CUBN: variants seen among roughly 807,000 people sequenced by gnomAD.
The protein encoded by CUBN is cubilin.
Under a neutral mutation model 405.3 loss-of-function variants are expected in CUBN, and 282 were observed. The observed-to-expected ratio is 0.70, with a 90% CI of 0.63 to 0.77. CUBN has a LOEUF of 0.77. Among genes scored for constraint, CUBN ranks in the 30% least tolerant of loss-of-function variants. CUBN has a pLI of 0.00. For synonymous variants in CUBN, 1,684 were observed against 1,617.0 expected (o/e 1.04, Z -0.99); for missense variants, 4,514 against 4,475.2 (o/e 1.01, Z -0.25).
chr10:16,935,843 G>T (rs1387768109), intron 39 of CUBN, among the ~76,000 whole-genome samples: 1 of 124,314 alleles, frequency 8.0e-6, no homozygotes, highest in Non-Finnish European at 1.6e-5. Flanking sequence ...TTGTGCCACT[G>T]CACTCCAGCC....
At chr10:17,010,783 CACTG>C (rs1305713353) in intron 28 of CUBN, among the ~76,000 whole-genome samples, 1 of 152,104 alleles carries the variant, frequency 6.6e-6, no homozygotes, top group African/African-American at 2.4e-5. Context: ...TGTGGATGAC[CACTG>C]ACTATTTTTA....
chr10:17,085,583 G>A lies in CUBN; in HGVS notation c.2110+14C>T. 3 of 1,612,838 alleles carry A rather than the reference G, an allele frequency of 1.9e-6. No homozygotes were observed. The highest frequency in any genetic ancestry group is 2.5e-6 in the Non-Finnish European group (3 of 1,178,852). On this transcript the variant is annotated intron_variant, in intron 16 of 66. Transcript: ENST00000377833. Reference sequence around the variant, plus strand: ...TCAAATCCCTCTTAAGCCCCCAACTGGTAGGTTACTTACAAGGTGATGTTA... The same window carrying A: ...TCAAATCCCTCTTAAGCCCCCAACTAGTAGGTTACTTACAAGGTGATGTTA...
Position 16,851,256 on chromosome 10 carries a change from T to A in CUBN, c.9642A>T (p.Arg3214Ser). The A allele has an allele frequency of 2.5e-6, 4 of 1,613,892 alleles. No individual in the cohort carries two copies. The highest frequency in any genetic ancestry group is 3.4e-6 in the Non-Finnish European group (4 of 1,179,762). The change falls in exon 60 of 67, where the codon AGA (arginine) becomes AGT (serine). Residue 3214 changes from arginine (R) to serine (S), a missense_variant. By Grantham distance (110) the Arg-to-Ser change is moderately radical. Around this residue, in one of 5 missense-constraint regions of CUBN, gnomAD observed 1,186 missense variants for 1,186.9 expected, o/e 1.00. Transcript: ENST00000377833. ...FALEAASTRQ[R>S]CLYDYVKLYD... ...TTACCTTTACATAATCATAAAGGCA[T>A]CTTTGCCTAGTACTTGCTGCCTCCA...
At position 16,904,063 on chromosome 10, in the gene CUBN, T is replaced by C; in HGVS notation, c.7965A>G (p.Thr2655=). The change falls in exon 51 of 67, where the codon ACA becomes ACG. Residue 2655 remains threonine, a synonymous_variant. Coordinates refer to ENST00000377833, the MANE Select transcript of CUBN (RefSeq NM_001081.4). ...GAGAATAAGGTATAACCAATGGCAA[T>C]GTAGGCTTTGAAGGACCACAAAGTC... is the stretch of plus-strand genomic sequence containing the variant. ...MWRLCGPSKP[T]LPLVIPYSQV... The C allele has an allele frequency of 1.2e-6, 2 of 1,613,570 alleles. No individual in the cohort carries two copies. Among genetic ancestry groups the C allele is most frequent in the Non-Finnish European group, 1.7e-6 (2 of 1,179,484 alleles).
intron 66 of CUBN, 56 bp downstream of exon 66, chr10:16,828,749 G>T: frequency 3.8e-6 from 5 of 1,314,472 alleles, no homozygotes; most frequent in South Asian, 1.2e-5. Flanking sequence ...TACACTAAGT[G>T]ACTCATTATT....
chr10:16,935,145 C>T (rs145292759), intron 39 of CUBN, among the ~76,000 whole-genome samples: 1 of 152,146 alleles, frequency 6.6e-6, no homozygotes, highest in African/African-American at 2.4e-5. Flanking sequence ...CTTTCCCAAT[C>T]TCTTTTATTT....
chr10:16,993,957 G>A (rs1013793391), intron 28 of CUBN, among the ~76,000 whole-genome samples: 4 of 152,090 alleles, frequency 2.6e-5, no homozygotes, highest in Admixed American at 1.3e-4. Flanking sequence ...ATATCAAAAG[G>A]AAACATTTGA....
chr10:17,012,362 C>G (rs1272767591), intron 28 of CUBN, among the ~76,000 whole-genome samples: 1 of 152,032 alleles, frequency 6.6e-6, no homozygotes, highest in African/African-American at 2.4e-5. Context: ...GCATCTCGTA[C>G]TATCCCTGAC....
chr10:16,874,260 A>G (rs1840439790), intron 58 of CUBN, 114 bp downstream of exon 58: 1 of 1,106,218 alleles, frequency 9.0e-7, no homozygotes, highest in African/African-American at 1.5e-5. Context: ...TCCTCTGTGT[A>G]GATTTCCCTC....
At chr10:17,023,099 C>T (rs1564483767) in intron 27 of CUBN, among the ~76,000 whole-genome samples, 1 of 151,660 alleles carries the variant, frequency 6.6e-6, no homozygotes, top group African/African-American at 2.4e-5. Context: ...AAAGAGATTT[C>T]TTTTTTTTCC....
At position 16,848,690 on chromosome 10, in the gene CUBN, C is replaced by CTTTTTTTTTTT. The variant is rs10562297; in HGVS notation, c.9663+2534_9663+2544dup. ...TCTAGTCATTTTGGTCTCTCCCAGC[C>CTTTTTTTTTTT]TTTTTTTTTTTTTTTTTTTTTTTTT... On this transcript the variant is annotated intron_variant, in intron 60 of 66. Coordinates refer to ENST00000377833, the MANE Select transcript of CUBN (RefSeq NM_001081.4). Among the ~76,000 whole-genome samples, 3 of 53,368 alleles carry CTTTTTTTTTTT rather than the reference C, an allele frequency of 5.6e-5. 1 individual carries two copies. The highest frequency in any genetic ancestry group is 7.8e-4 in the Admixed American group (2 of 2,570). The allele number at this position is 53,368 out of a possible 152,430, so 35.0% of individuals were successfully genotyped here. A position where few individuals can be genotyped will look rare whatever the true frequency, so the allele number is the denominator to read the frequency against.
chr10:17,121,174 T>C (rs975863577), intron 6 of CUBN, among the ~76,000 whole-genome samples: 1 of 152,186 alleles, frequency 6.6e-6, no homozygotes, highest in Non-Finnish European at 1.5e-5. Flanking sequence ...ATTTTACTTT[T>C]GCATAATGAT....
At chr10:16,980,256 G>C (rs1260452638) in intron 31 of CUBN, among the ~76,000 whole-genome samples, 1 of 152,220 alleles carries the variant, frequency 6.6e-6, no homozygotes, top group Non-Finnish European at 1.5e-5. Context: ...GTGTAAATTA[G>C]TTCAACCATT....
chr10:16,910,386 A>T (rs1841694282), intron 48 of CUBN, among the ~76,000 whole-genome samples: 1 of 152,242 alleles, frequency 6.6e-6, no homozygotes, highest in Admixed American at 6.5e-5. Flanking sequence ...GAACCAAAAT[A>T]AACATTGAAC....
At chr10:16,872,881 T>G (rs533586954) in intron 58 of CUBN, among the ~76,000 whole-genome samples, 1 of 152,322 alleles carries the variant, frequency 6.6e-6, no homozygotes, top group East Asian at 1.9e-4. Flanking sequence ...TAAAAGACAC[T>G]CTGTTTTCCT....
chr10:16,917,839 T>G (rs1472828296), intron 45 of CUBN, among the ~76,000 whole-genome samples: 1 of 152,322 alleles, frequency 6.6e-6, no homozygotes, highest in South Asian at 2.1e-4. Flanking sequence ...TAAAAAGTCA[T>G]GGTTTTTAAA....
At chr10:16,938,867 G>A (rs1842585058) in intron 38 of CUBN, 96 bp downstream of exon 38, 1 of 1,115,858 alleles carries the variant, frequency 9.0e-7, no homozygotes, top group Non-Finnish European at 1.3e-6. Context: ...TATCCCACAT[G>A]ATTTGCAAAT....
At chr10:17,068,031 T>G (rs1424869856) in intron 21 of CUBN, 33 bp downstream of exon 21, 2 of 1,545,576 alleles carry the variant, frequency 1.3e-6, no homozygotes, top group Non-Finnish European at 1.8e-6. Context: ...AGTGAAGTTT[T>G]ATTGTTAAAC....
chr10:17,125,370 T>C (rs1433992749), intron 4 of CUBN, among the ~76,000 whole-genome samples: 1 of 152,186 alleles, frequency 6.6e-6, no homozygotes, highest in Non-Finnish European at 1.5e-5. Context: ...TCAATACCAT[T>C]TTCTGCAAAG....
Sources: gnomAD v4.1 joint callset for allele counts (sites outside exome capture counted in the v4.1 genomes callset) on GRCh38, gnomAD v4.1.1 for gene constraint, gnomAD v4.1.1 regional missense constraint, MANE v1.5 for transcripts, NCBI Gene and HGNC (gene_info 2026-07-23, HGNC 2026-07-21) for gene names.